The following GALNS variants were observed in gnomAD, a reference collection of about 807,000 sequenced individuals.
GALNS encodes galactosamine (N-acetyl)-6-sulfatase.
Under a neutral mutation model 65.9 loss-of-function variants are expected in GALNS, and 65 were observed. The ratio of observed to expected loss-of-function variants is 0.99; its 90% confidence interval spans 0.81 to 1.21. The LOEUF (loss-of-function observed/expected upper bound fraction) is 1.21, where lower values mean the gene tolerates loss of function less well. Ranked by LOEUF, GALNS falls within the 50% of genes most tolerant of loss-of-function variation. GALNS has a pLI of 0.00. For synonymous variants in GALNS, 346 were observed against 288.9 expected (o/e 1.20, Z -2.00); for missense variants, 776 against 700.7 (o/e 1.11, Z -1.21).
In GALNS at chr16:88,835,728, C is replaced by T. The variant is rs1234260034; in HGVS notation, c.755G>A (p.Gly252Glu). 1.9e-6 allele frequency: 3 copies of T among 1,614,032 alleles called. No homozygotes were observed. Among genetic ancestry groups the T allele is most frequent in the Admixed American group, 1.7e-5 (1 of 60,032 alleles). ...GCTCCATGGAGCCAGGACTCACCGC[C>T]CTCGCTGACTGGTGCCCAAGAAGGG... ...SKPFLGTSQR[G>E]RYGDAVREID... is the part of the protein sequence containing the mutation. The change falls in exon 7 of 14, where the codon GGG becomes GAG. Residue 252 changes from glycine to glutamate, a missense_variant. By Grantham distance (98) the Gly-to-Glu change is moderately conservative. Coordinates refer to ENST00000268695, the MANE Select transcript of GALNS (RefSeq NM_000512.5).
chr16:88,822,521 T>G, intron 12 of GALNS, 68 bp downstream of exon 12: 3 of 1,600,682 alleles, frequency 1.9e-6, no homozygotes, highest in South Asian at 1.1e-5. Context: ...TCTGTCCCTG[T>G]GGAGCCTGCA....
At chr16:88,854,386 G>T (rs1038861936) in intron 1 of GALNS, among the ~76,000 whole-genome samples, 10 of 152,216 alleles carry the variant, frequency 6.6e-5, no homozygotes, top group Non-Finnish European at 1.2e-4. Context: ...GGCACCTCGG[G>T]GCTCCACTGT....
intron 1 of GALNS, among the ~76,000 whole-genome samples, chr16:88,854,629 G>A (rs950971295): frequency 1.3e-5 from 2 of 152,228 alleles, no homozygotes; most frequent in Non-Finnish European, 2.9e-5. Flanking sequence ...ACATGACACG[G>A]GCAGAGCCAA....
At chr16:88,826,882 C>G in intron 9 of GALNS, 44 bp from the exon 10 acceptor site, 1 of 1,551,760 alleles carries the variant, frequency 6.4e-7, no homozygotes, top group Non-Finnish European at 8.7e-7. Flanking sequence ...TCTGCACCGA[C>G]CCGATGGGGC....
At chr16:88,816,730 C>T (rs567361393) in intron 13 of GALNS, 1,374 of 985,456 alleles carry the variant, frequency 1.4e-3, no homozygotes, top group Non-Finnish European at 1.5e-3. Context: ...TTCCTTCCCA[C>T]GGCACGGCGG....
chr16:88,836,712 C>T (rs1597571636), intron 5 of GALNS, among the ~76,000 whole-genome samples: 1 of 152,152 alleles, frequency 6.6e-6, no homozygotes, highest in East Asian at 1.9e-4. Context: ...AACAACCAAG[C>T]TGGACGCATC....
chr16:88,855,112 G>C, intron 1 of GALNS: 1 of 493,410 alleles, frequency 2.0e-6, no homozygotes, highest in South Asian at 1.6e-5. Flanking sequence ...CATTAGAAAA[G>C]CAGAAGTAGG....
intron 6 of GALNS, 131 bp downstream of exon 6, chr16:88,836,070 G>C (rs1357407901): frequency 2.7e-6 from 3 of 1,090,910 alleles, no homozygotes; most frequent in Non-Finnish European, 4.1e-6. Flanking sequence ...AGGGTGATGA[G>C]GTCCCTGAAC....
rs1417063111 is a variant in GALNS, at chr16:88,813,847, G to C, written c.*592C>G. On this transcript the variant is annotated 3_prime_UTR_variant, in exon 14 of 14. Transcript: ENST00000268695. ...TTAGCGTCCAGGGAAATTCCTTGTG[G>C]ACAAAGGACAGACGGAACTGGAAGT... The C allele has an allele frequency of 6.3e-6, 1 of 158,102 alleles. No homozygotes were observed. Among genetic ancestry groups the C allele is most frequent in the Non-Finnish European group, 1.4e-5 (1 of 71,172 alleles). 9.8% of individuals were successfully genotyped at this position (158,102 alleles called of 1,614,324 possible). A position where few individuals can be genotyped will look rare whatever the true frequency, so the allele number is the denominator to read the frequency against.
chr16:88,856,346 T>A, intron 1 of GALNS: 1 of 702,354 alleles, frequency 1.4e-6, no homozygotes, highest in Non-Finnish European at 2.6e-6. Context: ...AGCAGCCTCT[T>A]CCTCCCTTTG....
At chr16:88,835,098 A>G in intron 8 of GALNS, 115 bp downstream of exon 8, 1 of 1,363,098 alleles carries the variant, frequency 7.3e-7, no homozygotes, top group Non-Finnish European at 1.0e-6. Context: ...CGCTGGACCC[A>G]GAGGGACCCT....
Position 88,855,431 on chromosome 16 carries a change from G to A in GALNS, c.120+1327C>T, listed in dbSNP as rs977145792. On this transcript the variant is annotated intron_variant, in intron 1 of 13. Coordinates refer to ENST00000268695, the MANE Select transcript of GALNS (RefSeq NM_000512.5). ...ATTCTGAAGCAAAGTATCTTTAGGA[G>A]GGAGATGCCACTCAGTGCAGAGAAA... 7.1e-6 allele frequency: 5 copies of A among 702,726 alleles called. No homozygotes were observed. In the African/African-American group the frequency reaches 8.7e-5, roughly 12 times the overall value. The allele number at this position is 702,726 out of a possible 1,614,324, so 43.5% of individuals were successfully genotyped here.
chr16:88,847,623 G>C (rs949902559), intron 1 of GALNS, among the ~76,000 whole-genome samples: 14 of 152,242 alleles, frequency 9.2e-5, no homozygotes, highest in African/African-American at 3.4e-4. Flanking sequence ...GAGCCGGAGA[G>C]AGGCTCACTT....
intron 1 of GALNS, chr16:88,843,366 C>T (rs1053108483): frequency 1.8e-5 from 9 of 490,190 alleles, no homozygotes; most frequent in East Asian, 7.1e-5. Context: ...TACGTCCACA[C>T]GCAGGCCTGC....
At chr16:88,822,213 G>A (rs556845517) in intron 12 of GALNS, among the ~76,000 whole-genome samples, 4 of 152,280 alleles carry the variant, frequency 2.6e-5, no homozygotes, top group East Asian at 1.9e-4. Flanking sequence ...GGTGGAGCTG[G>A]GGCTGGTGGC....
At chr16:88,838,542 G>C (rs1339898512) in intron 4 of GALNS, 1 of 152,542 alleles carries the variant, frequency 6.6e-6, no homozygotes, top group Non-Finnish European at 1.5e-5. Context: ...ATCCCCCGCA[G>C]ACCTTGTGCT....
At chr16:88,822,772 G>A (rs898468839) in intron 11 of GALNS, 62 bp from the exon 12 acceptor site, 93 of 1,587,312 alleles carry the variant, frequency 5.9e-5, no homozygotes, top group Admixed American at 5.0e-4. Flanking sequence ...GAGGGGCCTC[G>A]TCTGCCCGTG....
In GALNS at chr16:88,856,903, C is replaced by A. The variant is rs1451204446; in HGVS notation, c.-26G>T. 6 of 1,498,742 alleles carry A rather than the reference C, an allele frequency of 4.0e-6. No individual in the cohort carries two copies. The highest frequency in any genetic ancestry group is 1.2e-5 in the South Asian group (1 of 80,392). The allele number at this position is 1,498,742 out of a possible 1,614,324, so 92.8% of individuals were successfully genotyped here. Reference sequence around the variant, plus strand: ...GGCAACCACGGGAGCCGCGGAGCCCCGGCCAGCGAGCCGACCTAGCGAGCG... The same window carrying A: ...GGCAACCACGGGAGCCGCGGAGCCCAGGCCAGCGAGCCGACCTAGCGAGCG... On this transcript the variant is annotated 5_prime_UTR_variant, in exon 1 of 14. Transcript: ENST00000268695.
At position 88,830,230 on chromosome 16, in the gene GALNS, C is replaced by CAAA. The variant is rs758855583; in HGVS notation, c.1002+1765_1002+1767dup. Among the ~76,000 whole-genome samples, 89 of 13,998 alleles carry CAAA rather than the reference C, an allele frequency of 6.4e-3. 5 individuals are homozygous for CAAA. Among genetic ancestry groups the CAAA allele is most frequent in the African/African-American group, 0.014 (83 of 5,868 alleles). The allele number at this position is 13,998 out of a possible 152,430, so 9.2% of individuals were successfully genotyped here. A position where few individuals can be genotyped will look rare whatever the true frequency, so the allele number is the denominator to read the frequency against. ...TGGGCAACAGAGTGAGACTTCATCT[C>CAAA]AAAAAAAAAAAAAAAAAAAAAAAAA... On this transcript the variant is annotated intron_variant, in intron 9 of 13. Coordinates refer to ENST00000268695, the MANE Select transcript of GALNS (RefSeq NM_000512.5).
Sources: allele counts gnomAD v4.1 joint callset (sites outside exome capture counted in the v4.1 genomes callset), GRCh38; gene constraint gnomAD v4.1.1; transcripts MANE v1.5; gene names NCBI Gene and HGNC (gene_info 2026-07-23, HGNC 2026-07-21).